The following BIRC6 variants were observed in gnomAD, a reference collection of about 807,000 sequenced individuals.
BIRC6 encodes the protein dual E2 ubiquitin-conjugating enzyme/E3 ubiquitin-protein ligase BIRC6.
A neutral mutation model predicts 503.3 loss-of-function variants in BIRC6; 98 were observed. The observed-to-expected ratio is 0.19, with a 90% CI of 0.17 to 0.23. The LOEUF (loss-of-function observed/expected upper bound fraction) is 0.23, where lower values mean the gene tolerates loss of function less well. BIRC6 is among the 10% of genes least tolerant of loss of function. BIRC6 has a pLI of 1.00. For missense variants in BIRC6, 5,360 were observed against 5,806.0 expected, an observed-to-expected ratio of 0.92 and a Z score of 2.50; for synonymous variants, 2,240 against 2,078.7, an observed-to-expected ratio of 1.08 and a Z score of -2.11.
intron 19 of BIRC6, 24 bp from the exon 20 acceptor site, chr2:32,443,467 T>G: frequency 6.5e-7 from 1 of 1,536,352 alleles, no homozygotes; most frequent in Non-Finnish European, 8.8e-7. Flanking sequence ...GTCTTTACAA[T>G]TTTTCTTTTT....
At chr2:32,446,145 C>T (rs908072404) in intron 21 of BIRC6, among the ~76,000 whole-genome samples, 6 of 152,152 alleles carry the variant, frequency 3.9e-5, no homozygotes, top group Non-Finnish European at 4.4e-5. Flanking sequence ...CATGAGCCAC[C>T]GTGCCCGGCC....
At chr2:32,395,716 T>A (rs2039799415) in intron 6 of BIRC6, 123 bp downstream of exon 6, 2 of 741,514 alleles carry the variant, frequency 2.7e-6, no homozygotes, top group Non-Finnish European at 2.3e-6. Context: ...TTTGTCATTG[T>A]CCTGAGAATG....
intron 9 of BIRC6, among the ~76,000 whole-genome samples, chr2:32,410,963 G>A (rs756002482): frequency 7.2e-5 from 11 of 152,168 alleles, no homozygotes; most frequent in Non-Finnish European, 1.2e-4. Context: ...GCCTCCCAAA[G>A]TGCTGGGATT....
At chr2:32,531,572 C>T (rs748286582) in intron 61 of BIRC6, 21 bp downstream of exon 61, 12 of 1,573,628 alleles carry the variant, frequency 7.6e-6, no homozygotes, top group Admixed American at 7.2e-5. Flanking sequence ...ATTTCCTAAT[C>T]GAGTATATCA....
intron 1 of BIRC6, among the ~76,000 whole-genome samples, chr2:32,369,859 G>A (rs577488134): frequency 1.4e-5 from 2 of 145,246 alleles, no homozygotes; most frequent in South Asian, 4.4e-4. Context: ...GGGAGACTGA[G>A]GTGAGAAGAT....
chr2:32,453,711 T>G, intron 22 of BIRC6, 97 bp from the exon 23 acceptor site: 1 of 1,167,842 alleles, frequency 8.6e-7, no homozygotes, highest in Non-Finnish European at 1.3e-6. Context: ...ATTTATATGT[T>G]CTAATTAAAA....
At chr2:32,587,200 A>C (rs1305420781) in intron 66 of BIRC6, among the ~76,000 whole-genome samples, 1 of 152,206 alleles carries the variant, frequency 6.6e-6, no homozygotes, top group African/African-American at 2.4e-5. Context: ...CAGCCTAGCC[A>C]ACATGGTGAA....
chr2:32,532,749 T>C (rs1433068844), intron 61 of BIRC6, among the ~76,000 whole-genome samples: 1 of 152,200 alleles, frequency 6.6e-6, no homozygotes, highest in African/African-American at 2.4e-5. Flanking sequence ...CAAAATTTTC[T>C]TACTAGACAA....
In BIRC6 at chr2:32,505,874, C is replaced by T. The variant is rs183017883; in HGVS notation, c.9700+669C>T. ...TACTCATTTGCTTTTTTTTTTGAGG[C>T]AGGGTCTCACTCTGTTGCCCAGGCT... On this transcript the variant is annotated intron_variant, in intron 50 of 73. Coordinates refer to ENST00000421745, the MANE Select transcript of BIRC6 (RefSeq NM_016252.4). Among the ~76,000 whole-genome samples, 165 of 151,308 alleles carry T rather than the reference C, an allele frequency of 1.1e-3. 1 individual carries two copies. The highest frequency in any genetic ancestry group is 4.4e-4 in the Non-Finnish European group (30 of 67,814).
chr2:32,421,394 C>T (rs1307352373), intron 10 of BIRC6, among the ~76,000 whole-genome samples: 1 of 152,088 alleles, frequency 6.6e-6, no homozygotes, highest in Non-Finnish European at 1.5e-5. Context: ...CATGAGCCAC[C>T]GCGCTGGCCT....
At chr2:32,407,309 G>A (rs549041980) in intron 9 of BIRC6, among the ~76,000 whole-genome samples, 9 of 152,126 alleles carry the variant, frequency 5.9e-5, no homozygotes, top group South Asian at 2.1e-4. Flanking sequence ...TTAGCCAGGC[G>A]TGGTGGCGCA....
At chr2:32,375,299 A>T (rs532063429) in intron 1 of BIRC6, among the ~76,000 whole-genome samples, 10 of 152,130 alleles carry the variant, frequency 6.6e-5, no homozygotes, top group African/African-American at 2.4e-4. Context: ...TTGAATAGGA[A>T]TGGTAAGAGC....
chr2:32,596,621 A>G (rs1054716022), intron 68 of BIRC6, among the ~76,000 whole-genome samples: 1 of 152,194 alleles, frequency 6.6e-6, no homozygotes, highest in African/African-American at 2.4e-5. Flanking sequence ...GGGGAGGGGA[A>G]GAGTGTCAGA....
rs776638353 is a variant in BIRC6, at chr2:32,415,467, G to C, written c.2176G>C (p.Ala726Pro). The C allele has an allele frequency of 2.5e-6, 4 of 1,613,992 alleles. No individual in the cohort carries two copies. The highest frequency in any genetic ancestry group is 1.7e-6 in the Non-Finnish European group (2 of 1,179,900). The change falls in exon 10 of 74, where the codon GCA becomes CCA. Residue 726 changes from alanine to proline, a missense_variant. Physicochemically the swap from Ala to Pro is conservative, Grantham distance 27 (BLOSUM62 -1). Around this residue, in one of 16 missense-constraint regions of BIRC6, gnomAD observed 700 missense variants for 739.3 expected, o/e 0.95. Transcript: ENST00000421745. Reference protein sequence around the residue: ...LVQCLRLPKFAEEENLCIDSI... With the variant: ...LVQCLRLPKFPEEENLCIDSI... ...TCAGTGCTTGAGGCTGCCAAAGTTT[G>C]CAGAGGAGGAGAATCTTTGTATAGA...
intron 22 of BIRC6, among the ~76,000 whole-genome samples, chr2:32,449,862 C>G (rs1010635301): frequency 2.6e-5 from 4 of 152,180 alleles, no homozygotes; most frequent in African/African-American, 9.7e-5. Flanking sequence ...ACTGGTCTGT[C>G]ACTTGCTTTT....
chr2:32,591,658 T>G (rs965206584), intron 66 of BIRC6, among the ~76,000 whole-genome samples: 1 of 152,206 alleles, frequency 6.6e-6, no homozygotes, highest in Non-Finnish European at 1.5e-5. Context: ...TATGTTTCTT[T>G]AAGTGAAATC....
rs778402100 is a variant in BIRC6, at chr2:32,468,542, G to A, written c.5886G>A (p.Lys1962=). 1.2e-6 allele frequency: 2 copies of A among 1,613,950 alleles called. No homozygotes were observed. The highest frequency in any genetic ancestry group is 1.1e-5 in the South Asian group (1 of 91,082). The part of the protein sequence containing the change: ...NAQYFLRKPD[K]AVEEDSRVFS... Reference sequence around the variant, plus strand: ...AGTACTTTTTACGAAAACCAGATAAGGCAGTTGAGGAAGACAGTAGGGTTT... The same window carrying A: ...AGTACTTTTTACGAAAACCAGATAAAGCAGTTGAGGAAGACAGTAGGGTTT... The change falls in exon 29 of 74, where the codon AAG becomes AAA. Residue 1962 remains lysine (K), a synonymous_variant. Transcript: ENST00000421745.
intron 1 of BIRC6, among the ~76,000 whole-genome samples, chr2:32,374,834 G>A (rs995871994): frequency 6.6e-6 from 1 of 152,074 alleles, no homozygotes; most frequent in Non-Finnish European, 1.5e-5. Context: ...TCAAACTCCT[G>A]GCTCAAGCGA....
chr2:32,415,190 T>C lies in BIRC6; in HGVS notation c.1899T>C (p.Tyr633=). The C allele has an allele frequency of 6.2e-7, 1 of 1,614,004 alleles. No individual in the cohort carries two copies. The highest frequency in any genetic ancestry group is 1.1e-5 in the South Asian group (1 of 91,076). ...GGACTTTACCGGTTTTGCTTCTTTA[T>C]AGCATCAAGGAATCTGATGAGAAAG... ...VRRTLPVLLL[Y]SIKESDEKAG... is the part of the protein sequence containing the mutation. Residue 633 remains tyrosine, a synonymous_variant, in exon 10 of 74, where the codon TAT becomes TAC. Transcript: ENST00000421745.
Sources: gnomAD v4.1 joint callset for allele counts (sites outside exome capture counted in the v4.1 genomes callset) on GRCh38, gnomAD v4.1.1 for gene constraint, gnomAD v4.1.1 regional missense constraint, MANE v1.5 for transcripts, NCBI Gene and HGNC (gene_info 2026-07-23, HGNC 2026-07-21) for gene names.